Variants in STAG3 observed in about 807,000 individuals in gnomAD.
The protein encoded by STAG3 is cohesin subunit SA-3.
Under a neutral mutation model 160.7 loss-of-function variants are expected in STAG3, and 101 were observed. That is an observed-to-expected ratio of 0.63 (90% CI 0.54 to 0.74). STAG3 has a LOEUF of 0.74. Among genes scored for constraint, STAG3 ranks in the 30% least tolerant of loss-of-function variants. The probability of loss-of-function intolerance (pLI) is 0.00; values close to 1 mark genes in which losing one functional copy is unlikely to be tolerated. For missense variants in STAG3, 1,188 were observed against 1,517.4 expected (o/e 0.78, Z 3.61); for synonymous variants, 519 against 585.0 (o/e 0.89, Z 1.63).
At chr7:100,197,541 TA>T in intron 10 of STAG3, 1 of 638,716 alleles carries the variant, frequency 1.6e-6, no homozygotes, top group South Asian at 1.9e-5. Flanking sequence ...TGATGGATGG[TA>T]ATGCAGGTGC....
At position 100,182,822 on chromosome 7, in the gene STAG3, G is replaced by A. The variant is rs766587372; in HGVS notation, c.319G>A (p.Ala107Thr). ...ANDLFNAVKA[A>T]KSDMQSLVDE... ...TGATCTTTTCAATGCTGTGAAAGCCGCCAAAAGTGACATGCAGGTAAAGCA... is the reference window on the plus strand; with the variant it reads ...TGATCTTTTCAATGCTGTGAAAGCCACCAAAAGTGACATGCAGGTAAAGCA... The change falls in exon 4 of 34, where the codon GCC becomes ACC. Residue 107 changes from alanine to threonine, a missense_variant. This residue lies in a region of STAG3 where 296 missense variants were observed against 404.0 expected (regional missense o/e 0.73). Transcript: ENST00000615138. 31 of 1,613,782 alleles carry A rather than the reference G, an allele frequency of 1.9e-5. No homozygotes were observed. Among genetic ancestry groups the A allele is most frequent in the Middle Eastern group, 1.6e-4 (1 of 6,078 alleles).
intron 4 of STAG3, among the ~76,000 whole-genome samples, chr7:100,183,298 G>A (rs1226749113): frequency 1.3e-5 from 2 of 152,262 alleles, no homozygotes; most frequent in Admixed American, 1.3e-4. Flanking sequence ...ACAGGCGTGA[G>A]TCACTGCACC....
At position 100,186,228 on chromosome 7, in the gene STAG3, A is replaced by C; in HGVS notation, c.365A>C (p.Tyr122Ser). ...TTGGTAGATGAGTGGCTGGATAGCT[A>C]CAAGCAAGACCAGGATGCAGGATTT... ...QSLVDEWLDS[Y>S]KQDQDAGFLE... The change falls in exon 5 of 34, where the codon TAC becomes TCC. Residue 122 changes from tyrosine (Y) to serine (S), a missense_variant. Around this residue, in one of 4 missense-constraint regions of STAG3, gnomAD observed 296 missense variants for 404.0 expected, o/e 0.73. Coordinates refer to ENST00000615138, the MANE Select transcript of STAG3 (RefSeq NM_001282717.2). 1 of 1,614,134 alleles carries C rather than the reference A, an allele frequency of 6.2e-7. No homozygotes were observed. The highest frequency in any genetic ancestry group is 8.5e-7 in the Non-Finnish European group (1 of 1,180,014).
In STAG3 at chr7:100,189,521, T is replaced by C. The variant is rs1171810498; in HGVS notation, c.792T>C (p.Tyr264=). The change falls in exon 8 of 34, where the codon TAT becomes TAC. Residue 264 remains tyrosine (Y), a synonymous_variant. Coordinates refer to ENST00000615138, the MANE Select transcript of STAG3 (RefSeq NM_001282717.2). ...ACCAAGATAACAATCAGCGTCAGTA[T>C]GAGGCTGAAAGAAACAAGGGGCCAG... ...SVHQDNNQRQ[Y]EAERNKGPGQ... is the part of the protein sequence containing the mutation. The C allele has an allele frequency of 2.9e-5, 47 of 1,614,068 alleles. No homozygotes were observed. Among genetic ancestry groups the C allele is most frequent in the Non-Finnish European group, 4.0e-5 (47 of 1,180,030 alleles).
At chr7:100,188,053 G>T (rs1249937066) in intron 5 of STAG3, among the ~76,000 whole-genome samples, 1 of 152,186 alleles carries the variant, frequency 6.6e-6, no homozygotes, top group African/African-American at 2.4e-5. Flanking sequence ...ACTGCACCCG[G>T]CTGGCCTGCA....
At chr7:100,210,284 A>G (rs1188848808) in intron 29 of STAG3, among the ~76,000 whole-genome samples, 4 of 152,126 alleles carry the variant, frequency 2.6e-5, no homozygotes, top group Admixed American at 1.3e-4. Flanking sequence ...TTTTTAGTGG[A>G]GAAGGGGGGT....
intron 32 of STAG3, chr7:100,212,239 A>C (rs1297406806): frequency 6.0e-5 from 11 of 182,168 alleles, no homozygotes; most frequent in South Asian, 1.1e-4. Flanking sequence ...ACAAAACATG[A>C]CCCCCTATCC....
chr7:100,198,633 T>C, intron 13 of STAG3, 51 bp downstream of exon 13: 2 of 1,544,196 alleles, frequency 1.3e-6, no homozygotes, highest in South Asian at 2.2e-5. Context: ...TCGGTTTCTC[T>C]CCTCCATCTG....
intron 5 of STAG3, 41 bp from the exon 6 acceptor site, chr7:100,188,412 G>C (rs1177361151): frequency 7.7e-7 from 1 of 1,293,450 alleles, no homozygotes; most frequent in Admixed American, 1.7e-5. Flanking sequence ...AAAGCATCCT[G>C]TTATTTTCCT....
chr7:100,202,647 A>C (rs1310625084), intron 25 of STAG3, 57 bp downstream of exon 25: 1 of 1,580,212 alleles, frequency 6.3e-7, no homozygotes, highest in East Asian at 2.2e-5. Context: ...CACAGCCATG[A>C]CTTGGAAACA....
chr7:100,199,105 C>T, intron 14 of STAG3, 148 bp downstream of exon 14: 1 of 880,938 alleles, frequency 1.1e-6, no homozygotes, highest in Non-Finnish European at 1.9e-6. Flanking sequence ...GCCTGGGCAA[C>T]ACAGTGAGAC....
intron 15 of STAG3, 69 bp from the exon 16 acceptor site, chr7:100,199,472 T>TGG: frequency 6.4e-7 from 1 of 1,554,332 alleles, no homozygotes; most frequent in Non-Finnish European, 8.8e-7. Context: ...TGGCATCGGG[T>TGG]GGGGGGAGCT....
chr7:100,181,870 C>T (rs1799666342), intron 2 of STAG3, among the ~76,000 whole-genome samples: 1 of 142,500 alleles, frequency 7.0e-6, no homozygotes, highest in African/African-American at 2.6e-5. Context: ...GATTGCACTC[C>T]AGCCTGGGTG....
At chr7:100,180,737 C>A in intron 2 of STAG3, 65 bp downstream of exon 2, 1 of 987,162 alleles carries the variant, frequency 1.0e-6, no homozygotes, top group Non-Finnish European at 1.6e-6. Context: ...CTCGTTTTCC[C>A]ACATTGATGA....
Position 100,198,907 on chromosome 7 carries a change from G to T in STAG3, c.1417G>T (p.Ala473Ser). ...GGREQRQSPGAQRTFFQLLLS... is the reference protein window; with the variant it reads ...GGREQRQSPGSQRTFFQLLLS... ...AAGAGAGCAACGCCAGAGCCCAGGC[G>T]CCCAGAGGACTTTCTTCCAGCTTCT... Residue 473 changes from alanine (A) to serine (S), a missense_variant, in exon 14 of 34, where the codon GCC becomes TCC. By Grantham distance (99) the Ala-to-Ser change is moderately conservative (BLOSUM62 1). This residue lies in a region of STAG3 where 240 missense variants were observed against 358.1 expected (regional missense o/e 0.67). Transcript: ENST00000615138. The T allele has an allele frequency of 2.5e-6, 4 of 1,612,230 alleles. No homozygotes were observed. The highest frequency in any genetic ancestry group is 3.4e-6 in the Non-Finnish European group (4 of 1,180,008).
At chr7:100,185,904 G>T (rs1562967357) in intron 4 of STAG3, among the ~76,000 whole-genome samples, 1 of 152,088 alleles carries the variant, frequency 6.6e-6, no homozygotes, top group African/African-American at 2.4e-5. Flanking sequence ...AAAAGCTTAG[G>T]CTCTACCTCC....
chr7:100,211,008 C>G lies in STAG3; in HGVS notation c.3239-3C>G. ...GTGGTTAATGTATGCATCTGCTTGG[C>G]AGGGCCTGCCAAGCCTAACAGAGAG... On this transcript the variant is annotated splice_polypyrimidine_tract_variant and splice_region_variant and intron_variant, in intron 29 of 33. Coordinates refer to ENST00000615138, the MANE Select transcript of STAG3 (RefSeq NM_001282717.2). The G allele has an allele frequency of 6.2e-7, 1 of 1,611,916 alleles. No homozygotes were observed. The highest frequency in any genetic ancestry group is 1.1e-5 in the South Asian group (1 of 90,806).
chr7:100,180,600 C>G lies in STAG3; in HGVS notation c.44C>G (p.Ala15Gly). Residue 15 changes from alanine to glycine, a missense_variant, in exon 2 of 34, where the codon GCC (alanine) becomes GGC (glycine). By Grantham distance (60) the Ala-to-Gly change is moderately conservative (BLOSUM62 0). This residue lies in a region of STAG3 where 296 missense variants were observed against 404.0 expected (regional missense o/e 0.73). Transcript: ENST00000615138. The part of the protein sequence containing the change: ...LQRAVGDTKR[A>G]LSASSSSSAS... ...AGAGCTGTGGGAGATACCAAGAGGG[C>G]CTTGTCTGCATCTTCTAGTTCCTCT... 3 of 1,613,642 alleles carry G rather than the reference C, an allele frequency of 1.9e-6. No homozygotes were observed. Among genetic ancestry groups the G allele is most frequent in the Non-Finnish European group, 2.5e-6 (3 of 1,179,526 alleles).
rs200010429 is a variant in STAG3, at chr7:100,189,026, C to T, written c.715+10C>T. ...ACTAGCACCCTGGCTGGTGAGCATT[C>T]ATTTTTACTCTGGACATTCTCCTGG... On this transcript the variant is annotated intron_variant, in intron 7 of 33. Coordinates refer to ENST00000615138, the MANE Select transcript of STAG3 (RefSeq NM_001282717.2). The T allele has an allele frequency of 1.0e-4, 161 of 1,613,650 alleles. No homozygotes were observed. The highest frequency in any genetic ancestry group is 1.3e-4 in the Non-Finnish European group (158 of 1,179,856).
Sources: gnomAD v4.1 joint callset for allele counts (sites outside exome capture counted in the v4.1 genomes callset) on GRCh38, gnomAD v4.1.1 for gene constraint, gnomAD v4.1.1 regional missense constraint, MANE v1.5 for transcripts, NCBI Gene and HGNC (gene_info 2026-07-23, HGNC 2026-07-21) for gene names.